Variants in ELK3 observed in about 807,000 individuals in gnomAD.
ELK3 encodes the protein ETS domain-containing protein Elk-3.
Under a neutral mutation model 28.9 loss-of-function variants are expected in ELK3, and 10 were observed. That is an observed-to-expected ratio of 0.35 (90% CI 0.21 to 0.59). ELK3 has a LOEUF of 0.59. Among genes scored for constraint, ELK3 ranks in the 20% least tolerant of loss-of-function variants. The pLI is 0.82. For missense variants in ELK3, 463 were observed against 517.3 expected (o/e 0.90, Z 1.02); for synonymous variants, 272 against 243.5 (o/e 1.12, Z -1.09).
intron 3 of ELK3, among the ~76,000 whole-genome samples, chr12:96,248,073 A>G (rs1951873472): frequency 6.6e-6 from 1 of 152,018 alleles, no homozygotes; most frequent in Non-Finnish European, 1.5e-5. Context: ...ACATTTCGGG[A>G]GGCGCTTGGG....
At chr12:96,228,442 A>AAAAAAAAAAAAAAG (rs761298726) in intron 2 of ELK3, among the ~76,000 whole-genome samples, 2 of 142,642 alleles carry the variant, frequency 1.4e-5, no homozygotes, top group Admixed American at 7.5e-5. Context: ...AAAAAAAAAA[A>AAAAAAAAAAAAAAG]AAGAAGATCA....
intron 1 of ELK3, among the ~76,000 whole-genome samples, chr12:96,215,358 G>A (rs184442074): frequency 1.3e-5 from 2 of 152,074 alleles, no homozygotes; most frequent in Admixed American, 6.5e-5. Context: ...TTAAGACGTC[G>A]GGCGCCACCT....
chr12:96,217,088 A>G (rs1951624275), intron 1 of ELK3, among the ~76,000 whole-genome samples: 2 of 152,206 alleles, frequency 1.3e-5, no homozygotes, highest in African/African-American at 2.4e-5. Flanking sequence ...TGGTCTCCAC[A>G]AAAAATTAAG....
At chr12:96,256,922 A>G (rs912792094) in intron 3 of ELK3, among the ~76,000 whole-genome samples, 7 of 152,106 alleles carry the variant, frequency 4.6e-5, no homozygotes, top group Non-Finnish European at 8.8e-5. Flanking sequence ...AGACTCTATG[A>G]AGTGGAAGTG....
chr12:96,221,827 G>T (rs1335922419), intron 1 of ELK3, among the ~76,000 whole-genome samples: 1 of 152,118 alleles, frequency 6.6e-6, no homozygotes, highest in Admixed American at 6.6e-5. Context: ...CCTTTAAAGA[G>T]CCCTAAATAA....
chr12:96,228,187 A>G (rs1437102328), intron 2 of ELK3, among the ~76,000 whole-genome samples: 1 of 152,066 alleles, frequency 6.6e-6, no homozygotes, highest in Non-Finnish European at 1.5e-5. Flanking sequence ...TGGGAGGCCA[A>G]GGTGGGTGGA....
Position 96,202,405 on chromosome 12 carries a change from T to C in ELK3, c.-3+7700T>C, listed in dbSNP as rs956387371. Among the ~76,000 whole-genome samples the C allele has an allele frequency of 3.3e-5, 5 of 152,302 alleles. No individual in the cohort carries two copies. In the South Asian group the frequency reaches 8.3e-4, roughly 25 times the overall value. On this transcript the variant is annotated intron_variant, in intron 1 of 4. Transcript: ENST00000228741. Reference sequence around the variant, plus strand: ...TCAGACTCCATGCCTAACCAATTTGTAGGCGTCTTTTAGTTCACACTCAGC... The same window carrying C: ...TCAGACTCCATGCCTAACCAATTTGCAGGCGTCTTTTAGTTCACACTCAGC...
At chr12:96,255,094 A>C (rs1219047389) in intron 3 of ELK3, among the ~76,000 whole-genome samples, 1 of 152,100 alleles carries the variant, frequency 6.6e-6, no homozygotes, top group Non-Finnish European at 1.5e-5. Flanking sequence ...ATGAGTATCT[A>C]AGGCTGTATG....
At chr12:96,207,857 T>C (rs915076419) in intron 1 of ELK3, among the ~76,000 whole-genome samples, 2 of 152,214 alleles carry the variant, frequency 1.3e-5, no homozygotes, top group Non-Finnish European at 2.9e-5. Context: ...TATAATAAAT[T>C]ATCAGCAATT....
intron 2 of ELK3, among the ~76,000 whole-genome samples, chr12:96,226,570 A>G (rs1951702493): frequency 1.3e-5 from 2 of 151,986 alleles, no homozygotes; most frequent in Admixed American, 1.3e-4. Flanking sequence ...ACCCATGCCC[A>G]CATGCACACA....
chr12:96,260,348 C>T (rs1322249455), intron 4 of ELK3, among the ~76,000 whole-genome samples: 2 of 151,968 alleles, frequency 1.3e-5, no homozygotes, highest in African/African-American at 4.8e-5. Flanking sequence ...AATATTAATC[C>T]TCCTAGTTAA....
intron 1 of ELK3, among the ~76,000 whole-genome samples, chr12:96,217,761 C>G (rs951635640): frequency 6.6e-6 from 1 of 151,800 alleles, no homozygotes; most frequent in African/African-American, 2.4e-5. Context: ...CATGGTGAAA[C>G]CCTGTCTCCA....
rs1173241264 is a variant in ELK3 at position 96,194,377 on chromosome 12, G to GGGCCTGGGCGGCC, written c.-330_-318dup. 2 of 146,348 alleles carry GGGCCTGGGCGGCC rather than the reference G, an allele frequency of 1.4e-5. No individual in the cohort carries two copies. The highest frequency in any genetic ancestry group is 2.5e-5 in the African/African-American group (1 of 40,774). The allele number at this position is 146,348 out of a possible 1,614,324, so 9.1% of individuals were successfully genotyped here. A position where few individuals can be genotyped will look rare whatever the true frequency, so the allele number is the denominator to read the frequency against. ...GGGGCCGGGGCGGCGGGGGAGGCGC[G>GGGCCTGGGCGGCC]GGCCTGGGCGGCCAGCCCCGGCGCA... On this transcript the variant is annotated 5_prime_UTR_variant, in exon 1 of 5. Transcript: ENST00000228741.
intron 2 of ELK3, among the ~76,000 whole-genome samples, chr12:96,241,628 C>G (rs768678063): frequency 2.6e-5 from 4 of 152,190 alleles, no homozygotes; most frequent in African/African-American, 4.8e-5. Flanking sequence ...TCACGAGATC[C>G]TGTCATGGGC....
intron 3 of ELK3, among the ~76,000 whole-genome samples, chr12:96,252,721 G>C (rs1043683205): frequency 3.3e-5 from 5 of 152,344 alleles, no homozygotes; most frequent in East Asian, 1.9e-4. Context: ...GTGAGTAGTT[G>C]CTTCTCACAG....
intron 1 of ELK3, among the ~76,000 whole-genome samples, chr12:96,214,378 C>A (rs1951595954): frequency 6.6e-6 from 1 of 151,954 alleles, no homozygotes; most frequent in African/African-American, 2.4e-5. Flanking sequence ...TTGCAGTGAA[C>A]CGAGATCACA....
intron 4 of ELK3, among the ~76,000 whole-genome samples, chr12:96,260,509 A>G (rs1951985036): frequency 1.3e-5 from 2 of 152,230 alleles, no homozygotes; most frequent in South Asian, 4.1e-4. Flanking sequence ...ATTTGGTTAA[A>G]AAATAATGAA....
At chr12:96,253,647 AT>A (rs1951924840) in intron 3 of ELK3, among the ~76,000 whole-genome samples, 3 of 152,174 alleles carry the variant, frequency 2.0e-5, no homozygotes, top group Non-Finnish European at 4.4e-5. Flanking sequence ...GGAGCTTAGG[AT>A]TACAGATATT....
chr12:96,215,594 A>G (rs1951608814), intron 1 of ELK3, among the ~76,000 whole-genome samples: 1 of 152,058 alleles, frequency 6.6e-6, no homozygotes, highest in Non-Finnish European at 1.5e-5. Flanking sequence ...AAAGTTAAAT[A>G]AAAACATGGG....
Sources: gnomAD v4.1 joint callset for allele counts (sites outside exome capture counted in the v4.1 genomes callset) on GRCh38, gnomAD v4.1.1 for gene constraint, MANE v1.5 for transcripts, NCBI Gene and HGNC (gene_info 2026-07-23, HGNC 2026-07-21) for gene names.